Variants in TSPAN9 observed in about 807,000 individuals in gnomAD.
TSPAN9 encodes tetraspanin 9, also known as tetraspanin-9.
Under a neutral mutation model 31.0 loss-of-function variants are expected in TSPAN9, and 16 were observed. The observed-to-expected ratio is 0.52, with a 90% CI of 0.35 to 0.78. The LOEUF is 0.78. Among genes scored for constraint, TSPAN9 ranks in the 30% least tolerant of loss-of-function variants. The pLI is 0.01. For missense variants in TSPAN9, 272 were observed against 312.5 expected, an observed-to-expected ratio of 0.87 and a Z score of 0.98; for synonymous variants, 145 against 121.6, an observed-to-expected ratio of 1.19 and a Z score of -1.27.
rs1023960218 is a variant in TSPAN9 at position 3,143,755 on chromosome 12, C to T, written c.-17-57422C>T. Among the ~76,000 whole-genome samples, 1 of 152,198 alleles carries T rather than the reference C, an allele frequency of 6.6e-6. No individual in the cohort carries two copies. The highest frequency in any genetic ancestry group is 1.9e-4 in the East Asian group (1 of 5,204). On this transcript the variant is annotated intron_variant, in intron 2 of 8. Transcript: ENST00000011898. This position sits in a 1 kb window ranked among gnomAD's most constrained non-coding sequence, Gnocchi z 4.2. ...GCACTTTCAGATGGGCTTCTGTGCC[C>T]TTTGGTGTATTCCTGTCTTTTCTGG...
At position 3,168,616 on chromosome 12, in the gene TSPAN9, A is replaced by G. The variant is rs1354215133; in HGVS notation, c.-17-32561A>G. 6.6e-6 allele frequency among the ~76,000 whole-genome samples: 1 copy of G among 152,116 alleles called. No individual in the cohort carries two copies. Among genetic ancestry groups the G allele is most frequent in the Admixed American group, 6.5e-5 (1 of 15,274 alleles). ...TGTGAGTCATTGTCACTTGCTTGTG[A>G]AGTGCTGCATCCAATCTCTTTACGA... On this transcript the variant is annotated intron_variant, in intron 2 of 8. Transcript: ENST00000011898. This position sits in a 1 kb window ranked among gnomAD's most constrained non-coding sequence, Gnocchi z 4.0.
At chr12:3,163,901 T>A (rs1193612973) in intron 2 of TSPAN9, among the ~76,000 whole-genome samples, 1 of 152,246 alleles carries the variant, frequency 6.6e-6, no homozygotes, top group African/African-American at 2.4e-5. Flanking sequence ...CTGTCATTAA[T>A]GTAGAGGCTG....
At chr12:3,225,242 A>T (rs1413405378) in intron 3 of TSPAN9, among the ~76,000 whole-genome samples, 1 of 151,946 alleles carries the variant, frequency 6.6e-6, no homozygotes, top group Non-Finnish European at 1.5e-5. Context: ...CACAGAGGTG[A>T]ATGATTTCAG....
chr12:3,131,074 C>T (rs1198104408), intron 2 of TSPAN9, among the ~76,000 whole-genome samples: 5 of 151,526 alleles, frequency 3.3e-5, no homozygotes, highest in Admixed American at 2.6e-4. Flanking sequence ...GGGGTACACA[C>T]GCTCTACCTG....
intron 2 of TSPAN9, among the ~76,000 whole-genome samples, chr12:3,126,097 C>T (rs537724524): frequency 6.6e-6 from 1 of 152,306 alleles, no homozygotes; most frequent in Admixed American, 6.5e-5. Flanking sequence ...AGTGTAGTGA[C>T]TGTGAACACT....
At chr12:3,216,646 GT>G (rs2098381571) in intron 3 of TSPAN9, among the ~76,000 whole-genome samples, 2 of 152,232 alleles carry the variant, frequency 1.3e-5, no homozygotes, top group African/African-American at 4.8e-5. Flanking sequence ...GGAACCCGGA[GT>G]GGCCCTAATG....
intron 2 of TSPAN9, among the ~76,000 whole-genome samples, chr12:3,098,455 T>C (rs2098310211): frequency 1.3e-5 from 2 of 152,140 alleles, no homozygotes; most frequent in Admixed American, 1.3e-4. Context: ...CAAATTTGCC[T>C]TTAGGTTCAG....
At chr12:3,088,932 G>C (rs1450594149) in intron 2 of TSPAN9, among the ~76,000 whole-genome samples, 1 of 152,024 alleles carries the variant, frequency 6.6e-6, no homozygotes, top group Non-Finnish European at 1.5e-5. Flanking sequence ...GGAATGACAG[G>C]ATGAAAAGGG....
chr12:3,225,608 A>G (rs1332446754), intron 3 of TSPAN9, among the ~76,000 whole-genome samples: 3 of 152,074 alleles, frequency 2.0e-5, no homozygotes, highest in East Asian at 1.9e-4. Context: ...AAGATGAGCA[A>G]TGTACCCCTG....
chr12:3,244,912 G>A (rs615753), intron 3 of TSPAN9, among the ~76,000 whole-genome samples: 134,846 of 152,108 alleles, frequency 0.89, 61,149 homozygotes, highest in Non-Finnish European at 1. Context: ...TCAGCATCCA[G>A]TATTGTGCTG....
chr12:3,142,138 G>C (rs918164113), intron 2 of TSPAN9, among the ~76,000 whole-genome samples: 1 of 152,176 alleles, frequency 6.6e-6, no homozygotes, highest in Non-Finnish European at 1.5e-5. Flanking sequence ...GTGTCACACA[G>C]ACTGAGATTG....
At chr12:3,206,767 C>A (rs12582852) in intron 3 of TSPAN9, among the ~76,000 whole-genome samples, 6,252 of 152,236 alleles carry the variant, frequency 0.041, 141 homozygotes, top group East Asian at 0.099. Context: ...CAGATCATTA[C>A]AGTTCTGAGT....
chr12:3,173,223 CAG>C (rs1331585075), intron 2 of TSPAN9: 1 of 152,448 alleles, frequency 6.6e-6, no homozygotes, highest in Admixed American at 6.5e-5. Context: ...GAGGAAAGCC[CAG>C]AGTCTGTGTG....
At chr12:3,250,191 C>T (rs1426775685) in intron 3 of TSPAN9, among the ~76,000 whole-genome samples, 6 of 152,084 alleles carry the variant, frequency 3.9e-5, no homozygotes, top group African/African-American at 1.4e-4. Flanking sequence ...GGATCTTAGC[C>T]ATGTTTTTAT....
At chr12:3,261,629 G>T (rs570552368) in intron 3 of TSPAN9, among the ~76,000 whole-genome samples, 1 of 152,326 alleles carries the variant, frequency 6.6e-6, no homozygotes, top group South Asian at 2.1e-4. Flanking sequence ...TGACACACAG[G>T]AAGTGGGCCT....
At chr12:3,079,696 A>G (rs2098296843) in intron 1 of TSPAN9, among the ~76,000 whole-genome samples, 2 of 152,024 alleles carry the variant, frequency 1.3e-5, no homozygotes, top group Admixed American at 1.3e-4. Flanking sequence ...TCCTGACCTC[A>G]GGTGATCCGC....
In TSPAN9 at chr12:3,192,560, T is replaced by TA. The variant is rs2098364993; in HGVS notation, c.-17-8616dup. ...AAGCCATTTGTTGAGAAGGAGCGGATAGTGCCAGGGAGCACATCCGGGGCA... is the reference window on the plus strand; with the variant it reads ...AAGCCATTTGTTGAGAAGGAGCGGATAAGTGCCAGGGAGCACATCCGGGGCA... On this transcript the variant is annotated intron_variant, in intron 2 of 8. Transcript: ENST00000011898. This position sits in a 1 kb window ranked among gnomAD's most constrained non-coding sequence, Gnocchi z 4.6. Among the ~76,000 whole-genome samples the TA allele has an allele frequency of 6.6e-6, 1 of 152,036 alleles. No homozygotes were observed. The highest frequency in any genetic ancestry group is 1.5e-5 in the Non-Finnish European group (1 of 67,988).
chr12:3,242,645 T>C (rs1329745938), intron 3 of TSPAN9, among the ~76,000 whole-genome samples: 2 of 152,166 alleles, frequency 1.3e-5, no homozygotes. Context: ...GAGGATGTAA[T>C]GGACAAGCAA....
chr12:3,219,131 T>C (rs1463480085), intron 3 of TSPAN9, among the ~76,000 whole-genome samples: 3 of 152,202 alleles, frequency 2.0e-5, no homozygotes, highest in African/African-American at 7.2e-5. Context: ...GACGGTGTAG[T>C]GGCTGTGATG....
Sources: allele counts gnomAD v4.1 joint callset (sites outside exome capture counted in the v4.1 genomes callset), GRCh38; gene constraint gnomAD v4.1.1; non-coding constraint Gnocchi (gnomAD v3.1); transcripts MANE v1.5; gene names NCBI Gene and HGNC (gene_info 2026-07-23, HGNC 2026-07-21).